GRM8: variants seen among roughly 807,000 people sequenced by gnomAD.
GRM8 encodes the protein glutamate metabotropic receptor 8.
GRM8 carries 47 observed loss-of-function variants against 87.2 expected under a neutral mutation model. That is an observed-to-expected ratio of 0.54 (90% CI 0.43 to 0.69). The LOEUF is 0.69. Among genes scored for constraint, GRM8 ranks in the 30% least tolerant of loss-of-function variants. The pLI is 0.00. For synonymous variants in GRM8, 396 were observed against 404.5 expected, an observed-to-expected ratio of 0.98 and a Z score of 0.25; for missense variants, 1,019 against 1,139.2, an observed-to-expected ratio of 0.89 and a Z score of 1.52.
intron 7 of GRM8, among the ~76,000 whole-genome samples, chr7:126,648,569 ACTGT>A (rs1302066692): frequency 6.6e-6 from 1 of 152,242 alleles, no homozygotes; most frequent in Admixed American, 6.5e-5. Context: ...GAACAATAGA[ACTGT>A]CTAACAGGAC....
intron 7 of GRM8, among the ~76,000 whole-genome samples, chr7:126,768,929 A>AAAACAAAAAAAC (rs1818520663): frequency 7.1e-6 from 1 of 140,332 alleles, no homozygotes; most frequent in African/African-American, 2.8e-5. Flanking sequence ...GAAAAATGCA[A>AAAACAAAAAAAC]AAAAAAAAAA....
At position 126,721,011 on chromosome 7, in the gene GRM8, A is replaced by C. The variant is rs376549883; in HGVS notation, c.1357+48854T>G. ...GGCCATTCTACTGTCATCACAACAT[A>C]AAATGTTTTCTGCTCTCTTGAGCTG... On this transcript the variant is annotated intron_variant, in intron 7 of 10. Transcript: ENST00000339582. Among the ~76,000 whole-genome samples, 31 of 152,336 alleles carry C rather than the reference A, an allele frequency of 2.0e-4. No homozygotes were observed. In the East Asian group the frequency reaches 5.4e-3, roughly 27 times the overall value.
intron 3 of GRM8, among the ~76,000 whole-genome samples, chr7:127,015,250 GAAGAA>G (rs1389979862): frequency 3.5e-5 from 4 of 113,508 alleles, no homozygotes; most frequent in Admixed American, 9.6e-5. Context: ...AGAAGAAGAA[GAAGAA>G]GAAGAAAAGA....
intron 2 of GRM8, among the ~76,000 whole-genome samples, chr7:127,120,309 G>A (rs1047017811): frequency 3.9e-5 from 6 of 152,174 alleles, no homozygotes; most frequent in African/African-American, 1.4e-4. Flanking sequence ...ATTTCCTCTA[G>A]AGGAAAACAA....
intron 3 of GRM8, among the ~76,000 whole-genome samples, chr7:126,910,388 C>T (rs1350294025): frequency 6.6e-6 from 1 of 152,070 alleles, no homozygotes; most frequent in African/African-American, 2.4e-5. Context: ...GCGTTTGGTA[C>T]ATAGACTTCA....
intron 7 of GRM8, among the ~76,000 whole-genome samples, chr7:126,718,311 C>G (rs1811981666): frequency 2.0e-5 from 3 of 151,816 alleles, no homozygotes; most frequent in South Asian, 4.2e-4. Flanking sequence ...TAAGCTTGTT[C>G]CATATTAGGA....
chr7:126,449,979 A>T (rs1802441876), intron 9 of GRM8, among the ~76,000 whole-genome samples: 1 of 151,822 alleles, frequency 6.6e-6, no homozygotes. Context: ...AAGCAGTCAG[A>T]TGCCCTGAAG....
At chr7:126,555,686 G>A (rs1434747522) in intron 8 of GRM8, among the ~76,000 whole-genome samples, 1 of 152,338 alleles carries the variant, frequency 6.6e-6, no homozygotes, top group Non-Finnish European at 1.5e-5. Context: ...CCTACTAGCA[G>A]TTTGTTACTG....
At chr7:126,893,624 C>G (rs934435146) in intron 6 of GRM8, among the ~76,000 whole-genome samples, 3 of 151,970 alleles carry the variant, frequency 2.0e-5, no homozygotes, top group Non-Finnish European at 4.4e-5. Context: ...ATGCTAAGTC[C>G]TGAGGATACA....
rs761911574 is a variant in GRM8, at chr7:126,769,998, A to G, written c.1224T>C (p.Ala408=). Reference sequence around the variant, plus strand: ...GCAGGGCGTAAGCCATGGAATATACAGCATCAATTACAAATTGGACCTTTC... The same window carrying G: ...GCAGGGCGTAAGCCATGGAATATACGGCATCAATTACAAATTGGACCTTTC... The part of the protein sequence containing the change: ...QEGKVQFVID[A]VYSMAYALHN... The change falls in exon 7 of 11, where the codon GCT becomes GCC. Residue 408 remains alanine, a synonymous_variant. Coordinates refer to ENST00000339582, the MANE Select transcript of GRM8 (RefSeq NM_000845.3). The G allele has an allele frequency of 5.0e-6, 8 of 1,612,476 alleles. No homozygotes were observed. The highest frequency in any genetic ancestry group is 3.3e-4 in the Middle Eastern group (2 of 6,056).
chr7:126,900,172 A>G (rs1801930194), intron 6 of GRM8, among the ~76,000 whole-genome samples: 1 of 152,156 alleles, frequency 6.6e-6, no homozygotes, highest in African/African-American at 2.4e-5. Context: ...ATTTTAGTGA[A>G]CTGTCTGTGG....
chr7:126,957,002 G>A (rs1204572), intron 3 of GRM8, among the ~76,000 whole-genome samples: 116,368 of 152,060 alleles, frequency 0.77, 44,863 homozygotes, highest in East Asian at 0.97. Context: ...TCAACTCTAG[G>A]TAACAAATCA....
At chr7:126,642,292 C>T (rs1802484829) in intron 7 of GRM8, among the ~76,000 whole-genome samples, 1 of 152,290 alleles carries the variant, frequency 6.6e-6, no homozygotes, top group Middle Eastern at 3.4e-3. Context: ...CACCACACAT[C>T]ATTAGACTTT....
chr7:126,830,704 G>A (rs903334368), intron 6 of GRM8, among the ~76,000 whole-genome samples: 9 of 152,172 alleles, frequency 5.9e-5, no homozygotes, highest in African/African-American at 7.2e-5. Context: ...CTCTCAACTC[G>A]TCAAAGTCAT....
chr7:126,649,047 C>T (rs1803491699), intron 7 of GRM8, among the ~76,000 whole-genome samples: 1 of 152,196 alleles, frequency 6.6e-6, no homozygotes, highest in African/African-American at 2.4e-5. Context: ...AAGTACATCA[C>T]ACTATCTTAA....
intron 6 of GRM8, among the ~76,000 whole-genome samples, chr7:126,843,936 G>A (rs542863010): frequency 5.5e-4 from 84 of 152,130 alleles, no homozygotes; most frequent in African/African-American, 2.0e-3. Context: ...ATTTAAATAG[G>A]GTGGCAATTT....
intron 9 of GRM8, among the ~76,000 whole-genome samples, chr7:126,472,606 C>T (rs964829468): frequency 3.3e-5 from 5 of 152,092 alleles, no homozygotes; most frequent in African/African-American, 1.2e-4. Context: ...AAGTGAAAAC[C>T]CATTTTCTGA....
intron 9 of GRM8, among the ~76,000 whole-genome samples, chr7:126,448,315 G>A (rs1374030137): frequency 6.6e-6 from 1 of 151,824 alleles, no homozygotes; most frequent in Non-Finnish European, 1.5e-5. Flanking sequence ...CTGATTAGTT[G>A]GATTTTTTAA....
chr7:127,149,244 A>G (rs1269526701), intron 2 of GRM8, among the ~76,000 whole-genome samples: 1 of 152,054 alleles, frequency 6.6e-6, no homozygotes, highest in Non-Finnish European at 1.5e-5. Flanking sequence ...CAAATAACTC[A>G]ATTTTAAAAA....
Sources: gnomAD v4.1 joint callset for allele counts (sites outside exome capture counted in the v4.1 genomes callset) on GRCh38, gnomAD v4.1.1 for gene constraint, MANE v1.5 for transcripts, NCBI Gene and HGNC (gene_info 2026-07-23, HGNC 2026-07-21) for gene names.